DNAH8: variants seen among roughly 807,000 people sequenced by gnomAD.
DNAH8 encodes the protein dynein axonemal heavy chain 8.
Under a neutral mutation model 562.1 loss-of-function variants are expected in DNAH8, and 382 were observed. The ratio of observed to expected loss-of-function variants is 0.68; its 90% CI spans 0.63 to 0.74. The LOEUF (loss-of-function observed/expected upper bound fraction) is 0.74, where lower values mean the gene tolerates loss of function less well. Ranked by LOEUF, DNAH8 falls within the 30% of genes least tolerant of loss-of-function variation. DNAH8 has a pLI of 0.00. For synonymous variants in DNAH8, 1,881 were observed against 1,919.4 expected (o/e 0.98, Z 0.52); for missense variants, 5,203 against 5,620.4 (o/e 0.93, Z 2.37).
At chr6:39,008,360 C>T (rs572082887) in intron 88 of DNAH8, among the ~76,000 whole-genome samples, 8 of 151,948 alleles carry the variant, frequency 5.3e-5, no homozygotes, top group South Asian at 2.1e-4. Flanking sequence ...GCAGAAAAGA[C>T]GAAAATATTT....
chr6:39,028,789 A>C (rs772235032), intron 92 of DNAH8, among the ~76,000 whole-genome samples: 1 of 152,204 alleles, frequency 6.6e-6, no homozygotes, highest in South Asian at 2.1e-4. Context: ...TCACCCACTG[A>C]GTTAATGATG....
At chr6:38,744,230 T>G (rs906885871) in intron 8 of DNAH8, 1 of 152,158 alleles carries the variant, frequency 6.6e-6, no homozygotes, top group Non-Finnish European at 1.5e-5. Flanking sequence ...AGTAGTGATG[T>G]CCCAGGAGTG....
intron 21 of DNAH8, among the ~76,000 whole-genome samples, chr6:38,792,823 G>C (rs2127659421): frequency 6.6e-6 from 1 of 152,206 alleles, no homozygotes; most frequent in East Asian, 1.9e-4. Context: ...CTGTCACTCA[G>C]GTTGTTCTGC....
At chr6:38,808,856 C>T (rs868475024) in intron 24 of DNAH8, among the ~76,000 whole-genome samples, 9 of 152,048 alleles carry the variant, frequency 5.9e-5, no homozygotes, top group Admixed American at 4.6e-4. Flanking sequence ...AACCAAACAC[C>T]GCATGTTCTC....
At chr6:38,879,433 C>T (rs891217571) in intron 53 of DNAH8, among the ~76,000 whole-genome samples, 1 of 152,054 alleles carries the variant, frequency 6.6e-6, no homozygotes, top group Non-Finnish European at 1.5e-5. Context: ...GATCAACATT[C>T]AAAAACTGAT....
In DNAH8 at chr6:38,737,456, G is replaced by A. The variant is rs191132296; in HGVS notation, c.952+200G>A. Among the ~76,000 whole-genome samples, 14 of 151,694 alleles carry A rather than the reference G, an allele frequency of 9.2e-5. No individual in the cohort carries two copies. The East Asian group carries it at 1.4e-3, about 15-fold the overall frequency. On this transcript the variant is annotated intron_variant, in intron 6 of 92. Coordinates refer to ENST00000327475, the MANE Select transcript of DNAH8 (RefSeq NM_001206927.2). Reference sequence around the variant, plus strand: ...AGATATATTTTCTTTTTAATTTTACGTTATAGCAGGAGGAATCTCTTTCTA... The same window carrying A: ...AGATATATTTTCTTTTTAATTTTACATTATAGCAGGAGGAATCTCTTTCTA...
At chr6:38,905,115 C>T (rs944922086) in intron 62 of DNAH8, among the ~76,000 whole-genome samples, 3 of 152,130 alleles carry the variant, frequency 2.0e-5, no homozygotes, top group Admixed American at 6.5e-5. Flanking sequence ...GAGAGGATTA[C>T]TCTGACAGCA....
chr6:38,982,589 G>A (rs1277723814), intron 86 of DNAH8, 127 bp downstream of exon 86: 1 of 610,466 alleles, frequency 1.6e-6, no homozygotes, highest in East Asian at 2.6e-5. Context: ...GAAGGGACTT[G>A]TTGCTGTAAT....
chr6:38,971,827 G>A (rs893535516), intron 83 of DNAH8, 162 bp downstream of exon 83: 15 of 468,240 alleles, frequency 3.2e-5, no homozygotes, highest in Non-Finnish European at 4.1e-5. Flanking sequence ...CCTGATATTC[G>A]CATGGAAAGC....
intron 62 of DNAH8, among the ~76,000 whole-genome samples, chr6:38,901,439 G>A (rs1422613307): frequency 6.6e-6 from 1 of 151,984 alleles, no homozygotes; most frequent in Non-Finnish European, 1.5e-5. Flanking sequence ...TATTAAAAAA[G>A]TCATCTTTTC....
chr6:38,776,937 CT>C (rs1458794036), intron 13 of DNAH8, among the ~76,000 whole-genome samples: 2 of 152,072 alleles, frequency 1.3e-5, no homozygotes, highest in Non-Finnish European at 2.9e-5. Flanking sequence ...GAAGAATATA[CT>C]TTGTACACTT....
intron 26 of DNAH8, among the ~76,000 whole-genome samples, chr6:38,817,243 G>T (rs887931599): frequency 6.6e-6 from 1 of 152,184 alleles, no homozygotes; most frequent in Non-Finnish European, 1.5e-5. Flanking sequence ...TACTGGGGAG[G>T]CTGAGGCAGG....
chr6:38,938,278 A>T, intron 78 of DNAH8, 52 bp downstream of exon 78: 5 of 1,554,968 alleles, frequency 3.2e-6, no homozygotes, highest in Non-Finnish European at 4.3e-6. Flanking sequence ...GTTTGCTTGT[A>T]TTTCTACTCT....
intron 80 of DNAH8, among the ~76,000 whole-genome samples, chr6:38,948,801 G>C (rs1761640520): frequency 6.6e-6 from 1 of 152,146 alleles, no homozygotes. Flanking sequence ...TCCTTTTCAT[G>C]CTTCTGAACA....
chr6:38,919,466 C>T (rs1158334595), intron 70 of DNAH8, among the ~76,000 whole-genome samples: 2 of 151,898 alleles, frequency 1.3e-5, no homozygotes, highest in African/African-American at 4.8e-5. Context: ...GCACTGGGCC[C>T]TGTAAATTAG....
chr6:38,894,260 C>T (rs748300060), intron 58 of DNAH8, among the ~76,000 whole-genome samples: 2 of 152,156 alleles, frequency 1.3e-5, no homozygotes, highest in Non-Finnish European at 2.9e-5. Flanking sequence ...AGAAGATAGC[C>T]ATTATTAACT....
At chr6:38,975,067 G>A (rs1348476148) in intron 85 of DNAH8, among the ~76,000 whole-genome samples, 2 of 152,196 alleles carry the variant, frequency 1.3e-5, no homozygotes, top group Admixed American at 6.5e-5. Flanking sequence ...TTTATTACCT[G>A]ATAGTAAAAG....
intron 30 of DNAH8, among the ~76,000 whole-genome samples, 160 bp from the exon 31 acceptor site, chr6:38,832,162 G>C (rs965843606): frequency 6.6e-6 from 1 of 152,190 alleles, no homozygotes; most frequent in African/African-American, 2.4e-5. Flanking sequence ...TGAGTCTCCT[G>C]TAGGTTCATT....
At position 38,998,047 on chromosome 6, in the gene DNAH8, G is replaced by A. The variant is rs566469859; in HGVS notation, c.13214+7875G>A. Among the ~76,000 whole-genome samples, 8 of 152,310 alleles carry A rather than the reference G, an allele frequency of 5.3e-5. 1 individual carries two copies. The East Asian group carries it at 1.2e-3, about 22-fold the overall frequency. On this transcript the variant is annotated intron_variant, in intron 88 of 92. Coordinates refer to ENST00000327475, the MANE Select transcript of DNAH8 (RefSeq NM_001206927.2). Reference sequence around the variant, plus strand: ...TGCTGGGATTATAGGCATGAGCCACGGTGCCCAGCCATCACTTGATGATAG... The same window carrying A: ...TGCTGGGATTATAGGCATGAGCCACAGTGCCCAGCCATCACTTGATGATAG...
Sources: allele counts gnomAD v4.1 joint callset (sites outside exome capture counted in the v4.1 genomes callset), GRCh38; gene constraint gnomAD v4.1.1; transcripts MANE v1.5; gene names NCBI Gene and HGNC (gene_info 2026-07-23, HGNC 2026-07-21).